HMGCLL1: variants seen among roughly 807,000 people sequenced by gnomAD.
HMGCLL1 encodes the protein 3-hydroxymethyl-3-methylglutaryl-CoA lyase, cytoplasmic.
A neutral mutation model predicts 39.1 loss-of-function variants in HMGCLL1; 36 were observed. The observed-to-expected ratio is 0.92, with a 90% CI of 0.71 to 1.22. The LOEUF is 1.22. Among genes scored for constraint, HMGCLL1 ranks in the 50% most tolerant of loss-of-function variants. The pLI is 0.00. For synonymous variants in HMGCLL1, 149 were observed against 144.0 expected (o/e 1.03, Z -0.25); for missense variants, 451 against 416.5 (o/e 1.08, Z -0.72).
chr6:55,504,894 G>T (rs1767075015), intron 5 of HMGCLL1, among the ~76,000 whole-genome samples: 1 of 151,424 alleles, frequency 6.6e-6, no homozygotes, highest in African/African-American at 2.4e-5. Flanking sequence ...AAATCCTGTA[G>T]CCAGAAATAA....
intron 3 of HMGCLL1, among the ~76,000 whole-genome samples, chr6:55,520,547 T>C (rs1455901369): frequency 1.3e-5 from 2 of 152,058 alleles, no homozygotes; most frequent in East Asian, 1.9e-4. Context: ...TTTATTCCAA[T>C]GAATAAAAAA....
chr6:55,477,370 T>G (rs866485008), intron 7 of HMGCLL1, among the ~76,000 whole-genome samples: 25 of 22,710 alleles, frequency 1.1e-3, no homozygotes, highest in South Asian at 2.4e-3. Context: ...ATTATATTAA[T>G]ATAATATATA....
chr6:55,509,212 A>C (rs968123369), intron 5 of HMGCLL1, among the ~76,000 whole-genome samples: 2 of 151,932 alleles, frequency 1.3e-5, no homozygotes, highest in Non-Finnish European at 2.9e-5. Context: ...CCTAGGCCTC[A>C]GTTGAACAAT....
At chr6:55,439,772 G>C in intron 7 of HMGCLL1, 1 of 412,800 alleles carries the variant, frequency 2.4e-6, no homozygotes. Flanking sequence ...TTCTGCTAAG[G>C]CTCTCTGGAG....
At chr6:55,643,188 C>T in the HMGCLL1 span, among the ~76,000 whole-genome samples, 2 of 151,978 alleles carry the variant, frequency 1.3e-5, no homozygotes, top group Non-Finnish European at 2.9e-5. Flanking sequence ...AATGGTAATA[C>T]TGTTTTTAGC....
At chr6:55,495,342 A>C in intron 7 of HMGCLL1, 77 bp downstream of exon 7, 2 of 1,103,368 alleles carry the variant, frequency 1.8e-6, no homozygotes, top group Non-Finnish European at 2.6e-6. Flanking sequence ...GTAACAATAC[A>C]GCTTTCAGTA....
chr6:55,527,603 A>C (rs1348232535), intron 3 of HMGCLL1, among the ~76,000 whole-genome samples: 1 of 152,090 alleles, frequency 6.6e-6, no homozygotes, highest in East Asian at 1.9e-4. Flanking sequence ...TCTATTGAAA[A>C]TTTCGTTAAA....
intron 7 of HMGCLL1, among the ~76,000 whole-genome samples, chr6:55,471,421 A>T (rs989393458): frequency 5.3e-5 from 8 of 151,820 alleles, no homozygotes; most frequent in African/African-American, 1.9e-4. Flanking sequence ...TACCAGGTAT[A>T]TACCAAGGAA....
chr6:55,488,683 A>G (rs1766168219), intron 7 of HMGCLL1, among the ~76,000 whole-genome samples: 1 of 152,044 alleles, frequency 6.6e-6, no homozygotes, highest in Non-Finnish European at 1.5e-5. Flanking sequence ...GTTTGACTTA[A>G]GATTATTAAA....
chr6:55,626,161 T>C, the HMGCLL1 span, among the ~76,000 whole-genome samples: 1 of 152,222 alleles, frequency 6.6e-6, no homozygotes, highest in South Asian at 2.1e-4. Flanking sequence ...GTGTTGATTA[T>C]ATTGGACCTC....
At chr6:55,674,511 T>C in the HMGCLL1 span, among the ~76,000 whole-genome samples, 101 of 152,154 alleles carry the variant, frequency 6.6e-4, 1 homozygote, top group Admixed American at 2.5e-3. Context: ...TGAAAAGCAA[T>C]TAAAGATCAC....
chr6:55,674,215 T>C, the HMGCLL1 span, among the ~76,000 whole-genome samples: 4 of 151,902 alleles, frequency 2.6e-5, no homozygotes, highest in African/African-American at 9.7e-5. Flanking sequence ...CAATAGAATA[T>C]GGTGTCAAGT....
At chr6:55,524,707 T>G (rs1272033604) in intron 3 of HMGCLL1, among the ~76,000 whole-genome samples, 1 of 151,878 alleles carries the variant, frequency 6.6e-6, no homozygotes, top group Non-Finnish European at 1.5e-5. Context: ...GCTCAAACTT[T>G]GCATTTTGCC....
chr6:55,565,772 C>T (rs945434293), intron 1 of HMGCLL1, among the ~76,000 whole-genome samples: 2 of 152,090 alleles, frequency 1.3e-5, no homozygotes, highest in African/African-American at 4.8e-5. Flanking sequence ...TATTAAAATA[C>T]GGTCATAAGG....
chr6:55,450,636 A>AG (rs1764040003), intron 7 of HMGCLL1, among the ~76,000 whole-genome samples: 2 of 152,182 alleles, frequency 1.3e-5, no homozygotes, highest in Admixed American at 1.3e-4. Flanking sequence ...GAAGAAGTTG[A>AG]GGGGGGTATG....
At chr6:55,505,274 A>G (rs570717484) in intron 5 of HMGCLL1, among the ~76,000 whole-genome samples, 22 of 151,760 alleles carry the variant, frequency 1.4e-4, no homozygotes, top group Non-Finnish European at 2.5e-4. Context: ...AGTATAAGTA[A>G]AAGTCATGTA....
the HMGCLL1 span, among the ~76,000 whole-genome samples, chr6:55,657,374 A>T: frequency 2.0e-5 from 3 of 151,954 alleles, no homozygotes; most frequent in South Asian, 6.2e-4. Flanking sequence ...TTTGTATATT[A>T]TATAAGGAAG....
the HMGCLL1 span, among the ~76,000 whole-genome samples, chr6:55,589,455 G>A: frequency 0.087 from 13,266 of 152,106 alleles, 726 homozygotes; most frequent in African/African-American, 0.15. Flanking sequence ...CATACTGAAT[G>A]GGAAAAACTG....
intron 3 of HMGCLL1, among the ~76,000 whole-genome samples, chr6:55,524,729 C>G (rs1375380885): frequency 1.3e-5 from 2 of 151,806 alleles, no homozygotes; most frequent in Non-Finnish European, 2.9e-5. Context: ...GAAACGCGAT[C>G]CTTGAAGACA....
Sources: gnomAD v4.1 joint callset for allele counts (sites outside exome capture counted in the v4.1 genomes callset) on GRCh38, gnomAD v4.1.1 for gene constraint, MANE v1.5 for transcripts, NCBI Gene and HGNC (gene_info 2026-07-23, HGNC 2026-07-21) for gene names.